BHLHE40: variants seen among roughly 807,000 people sequenced by gnomAD.
The protein encoded by BHLHE40 is class E basic helix-loop-helix protein 40.
In BHLHE40, 3 loss-of-function variants were observed where a neutral mutation model predicts 35.7. The ratio of observed to expected loss-of-function variants is 0.08; its 90% CI spans 0.04 to 0.22. The LOEUF (loss-of-function observed/expected upper bound fraction) is 0.22. BHLHE40 is among the 10% of genes least tolerant of loss of function. The probability of loss-of-function intolerance (pLI) is 1.00; values close to 1 mark genes in which losing one functional copy is unlikely to be tolerated. For missense variants in BHLHE40, 486 were observed against 524.0 expected (o/e 0.93, Z 0.71); for synonymous variants, 236 against 213.0 (o/e 1.11, Z -0.94).
At chr3:4,980,122 G>A (rs1251231451) in intron 2 of BHLHE40, 91 bp downstream of exon 2, 19 of 1,398,328 alleles carry the variant, frequency 1.4e-5, no homozygotes, top group Non-Finnish European at 1.7e-5. Context: ...GGTTGGCGAG[G>A]GGATGCAGGG....
chr3:4,980,931 C>A (rs944296902), intron 3 of BHLHE40, among the ~76,000 whole-genome samples: 3 of 151,552 alleles, frequency 2.0e-5, no homozygotes, highest in Non-Finnish European at 4.4e-5. Context: ...GCTGGAAGTT[C>A]TGAAAGGGTG....
At position 4,979,805 on chromosome 3, in the gene BHLHE40, T is replaced by C. The variant is rs1376778725; in HGVS notation, c.80+7T>C. ...AGCACGGAGACCTACCAGGGTAAGT[T>C]GGCACTCCTTGGCCCTTCAAGCCTC... On this transcript the variant is annotated splice_region_variant and intron_variant, in intron 1 of 4. Transcript: ENST00000256495. The C allele has an allele frequency of 1.9e-6, 3 of 1,587,902 alleles. No individual in the cohort carries two copies. Among genetic ancestry groups the C allele is most frequent in the African/African-American group, 1.3e-5 (1 of 74,156 alleles).
At chr3:4,982,741 T>TA (rs56138530) in intron 4 of BHLHE40, 95 bp from the exon 5 acceptor site, 3 of 1,490,306 alleles carry the variant, frequency 2.0e-6, no homozygotes, top group African/African-American at 2.8e-5. Context: ...TTTTTTTTTT[T>TA]AACAAAAACT....
chr3:4,980,142 G>C (rs1240486497), intron 2 of BHLHE40, 111 bp downstream of exon 2: 5 of 1,236,174 alleles, frequency 4.0e-6, no homozygotes, highest in South Asian at 1.2e-5. Flanking sequence ...GTGTGGGCTC[G>C]GTGCCTCTTC....
rs2053216303 is a variant in BHLHE40 at position 4,983,296 on chromosome 3, G to A, written c.843G>A (p.Glu281=). ...MGERIGAIKQ[E]SEEPPTKKNR... is the part of the protein sequence containing the mutation. ...AAAGGATCGGCGCAATTAAGCAAGA[G>A]TCCGAAGAACCCCCCACAAAAAAGA... The change falls in exon 5 of 5, where the codon GAG becomes GAA. Residue 281 remains glutamate, a synonymous_variant. Transcript: ENST00000256495. The surrounding 1 kb of genome is among the most constrained non-coding windows in gnomAD (Gnocchi z 5.0). 2.5e-6 allele frequency: 4 copies of A among 1,614,220 alleles called. No individual in the cohort carries two copies. Among genetic ancestry groups the A allele is most frequent in the Non-Finnish European group, 3.4e-6 (4 of 1,180,036 alleles).
chr3:4,980,525 C>A, intron 3 of BHLHE40, 117 bp downstream of exon 3: 1 of 827,148 alleles, frequency 1.2e-6, no homozygotes, highest in Non-Finnish European at 2.0e-6. Context: ...TCAGAGCTGG[C>A]GGGTGGCTCT....
In BHLHE40 at chr3:4,983,239, A is replaced by G. The variant is rs755227708; in HGVS notation, c.786A>G (p.Lys262=). 2.5e-6 allele frequency: 4 copies of G among 1,614,224 alleles called. No homozygotes were observed. The change falls in exon 5 of 5, where the codon AAA becomes AAG. Residue 262 remains lysine, a synonymous_variant. Coordinates refer to ENST00000256495, the MANE Select transcript of BHLHE40 (RefSeq NM_003670.3). This position sits in a 1 kb window ranked among gnomAD's most constrained non-coding sequence, Gnocchi z 5.0. The stretch of plus-strand genomic sequence containing the variant: ...TGCGCAGTGAGCAGCCGTGCTTCAA[A>G]AGTGACCACGGACGCAGGTTCACGA... ...GDLRSEQPCF[K]SDHGRRFTMG...
At position 4,981,478 on chromosome 3, in the gene BHLHE40, G is replaced by A. The variant is rs755535096; in HGVS notation, c.345G>A (p.Gln115=). The change falls in exon 4 of 5, where the codon CAG becomes CAA. Residue 115 remains glutamine, a synonymous_variant. Transcript: ENST00000256495. ...KALTNLIDQQ[Q]QKIIALQSGL... The stretch of plus-strand genomic sequence containing the variant: ...TAACAAACCTAATTGATCAGCAGCA[G>A]CAGAAAATCATTGCCCTGCAGAGTG... 1.2e-6 allele frequency: 2 copies of A among 1,614,078 alleles called. No individual in the cohort carries two copies. The highest frequency in any genetic ancestry group is 8.5e-7 in the Non-Finnish European group (1 of 1,179,976).
At chr3:4,981,711 T>G in intron 4 of BHLHE40, 196 bp downstream of exon 4, 1 of 622,284 alleles carries the variant, frequency 1.6e-6, no homozygotes. Flanking sequence ...CATGAATACG[T>G]ATTAGTGAAA....
At chr3:4,981,139 C>G (rs1168238895) in intron 3 of BHLHE40, among the ~76,000 whole-genome samples, 1 of 149,050 alleles carries the variant, frequency 6.7e-6, no homozygotes, top group African/African-American at 2.5e-5. Flanking sequence ...ACAGGTGGCA[C>G]CCGTTTTTTT....
rs998006886 is a variant in BHLHE40, at chr3:4,983,682, C to A, written c.1229C>A (p.Thr410Asn). 2 of 1,606,134 alleles carry A rather than the reference C, an allele frequency of 1.2e-6. No individual in the cohort carries two copies. The highest frequency in any genetic ancestry group is 2.7e-5 in the African/African-American group (2 of 74,614). ...CCAATCCCCCCTTTAAACTTAGAAA[C>A]CAAAGACTAAACTCTCTAGGGGATC... ...LKPIPPLNLE[T>N]KD is the part of the protein sequence containing the mutation. Residue 410 changes from threonine (T) to asparagine (N), a missense_variant, in exon 5 of 5, where the codon ACC becomes AAC. Physicochemically the swap from Thr to Asn is moderately conservative, Grantham distance 65. This residue lies in a region of BHLHE40 where 206 missense variants were observed against 208.9 expected (regional missense o/e 0.99). Coordinates refer to ENST00000256495, the MANE Select transcript of BHLHE40 (RefSeq NM_003670.3). This position sits in a 1 kb window ranked among gnomAD's most constrained non-coding sequence, Gnocchi z 5.0.
At position 4,983,381 on chromosome 3, in the gene BHLHE40, C is replaced by A. The variant is rs141672087; in HGVS notation, c.928C>A (p.Pro310Thr). 1.6e-4 allele frequency: 265 copies of A among 1,614,206 alleles called. No homozygotes were observed. Among genetic ancestry groups the A allele is most frequent in the Non-Finnish European group, 2.1e-4 (242 of 1,180,044 alleles). Residue 310 changes from proline to threonine, a missense_variant, in exon 5 of 5, where the codon CCG (proline) becomes ACG (threonine). Pro to Thr is a conservative substitution (Grantham distance 38). This residue lies in a region of BHLHE40 where 206 missense variants were observed against 208.9 expected (regional missense o/e 0.99). Transcript: ENST00000256495. This position sits in a 1 kb window ranked among gnomAD's most constrained non-coding sequence, Gnocchi z 5.0. The stretch of plus-strand genomic sequence containing the variant: ...CACTAGCAGTGACCTGATCAGCTCC[C>A]CGTTCCTGGGCCCACACCCACACCA... ...HFTSSDLISS[P>T]FLGPHPHQPP...
intron 2 of BHLHE40, 44 bp downstream of exon 2, chr3:4,980,075 G>A: frequency 6.2e-7 from 1 of 1,602,240 alleles, no homozygotes; most frequent in Non-Finnish European, 8.6e-7. Context: ...AGCCCCTCGC[G>A]CGCGCTGAGT....
chr3:4,981,364 C>T lies in BHLHE40; in HGVS notation c.259-28C>T, dbSNP rs745677139. ...CAAAGGTGGGACTTCTCTGACCTCA[C>T]CGCTGACTAAGGCTCTTTTCCTTCC... On this transcript the variant is annotated intron_variant, in intron 3 of 4. Transcript: ENST00000256495. The T allele has an allele frequency of 2.1e-5, 34 of 1,612,020 alleles. No individual in the cohort carries two copies. In the East Asian group the frequency reaches 6.5e-4, roughly 31 times the overall value.
Position 4,983,856 on chromosome 3 carries a change from A to ATG in BHLHE40, c.*167_*168dup, listed in dbSNP as rs2053224250. On this transcript the variant is annotated 3_prime_UTR_variant, in exon 5 of 5. Coordinates refer to ENST00000256495, the MANE Select transcript of BHLHE40 (RefSeq NM_003670.3). This position sits in a 1 kb window ranked among gnomAD's most constrained non-coding sequence, Gnocchi z 5.0. Reference sequence around the variant, plus strand: ...TGTGTGTGTGTGTGTGTGTGTGTGTATGTGCGTGTGCGTGCACATGTGTGC... The same window carrying ATG: ...TGTGTGTGTGTGTGTGTGTGTGTGTATGTGTGCGTGTGCGTGCACATGTGTGC... 2.9e-6 allele frequency: 1 copy of ATG among 348,684 alleles called. No homozygotes were observed. The highest frequency in any genetic ancestry group is 7.0e-5 in the South Asian group (1 of 14,292). 21.6% of individuals were successfully genotyped at this position (348,684 alleles called of 1,614,324 possible).
At position 4,984,394 on chromosome 3, in the gene BHLHE40, C is replaced by G. The variant is rs1307047073; in HGVS notation, c.*702C>G. On this transcript the variant is annotated 3_prime_UTR_variant, in exon 5 of 5. Coordinates refer to ENST00000256495, the MANE Select transcript of BHLHE40 (RefSeq NM_003670.3). ...GCTTACTAAGGAACTGAAAATGGGC[C>G]CCTTGTACAAGCTGAGCTGCCCCGG... The G allele has an allele frequency of 6.6e-6, 1 of 152,348 alleles. No individual in the cohort carries two copies. Among genetic ancestry groups the G allele is most frequent in the East Asian group, 1.9e-4 (1 of 5,194 alleles). 9.4% of individuals were successfully genotyped at this position (152,348 alleles called of 1,614,324 possible).
chr3:4,980,089 C>T, intron 2 of BHLHE40, 58 bp downstream of exon 2: 1 of 1,581,076 alleles, frequency 6.3e-7, no homozygotes, highest in Admixed American at 1.7e-5. Context: ...GCTGAGTTTC[C>T]AAGAAAAGTT....
In BHLHE40 at chr3:4,983,388, T is replaced by C. The variant is rs754483141; in HGVS notation, c.935T>C (p.Leu312Pro). 5 of 1,614,202 alleles carry C rather than the reference T, an allele frequency of 3.1e-6. No homozygotes were observed. Among genetic ancestry groups the C allele is most frequent in the Admixed American group, 1.7e-5 (1 of 60,018 alleles). ...AGTGACCTGATCAGCTCCCCGTTCCTGGGCCCACACCCACACCAGCCTCCT... is the reference window on the plus strand; with the variant it reads ...AGTGACCTGATCAGCTCCCCGTTCCCGGGCCCACACCCACACCAGCCTCCT... ...TSSDLISSPF[L>P]GPHPHQPPFC... The change falls in exon 5 of 5, where the codon CTG becomes CCG. Residue 312 changes from leucine (L) to proline (P), a missense_variant. Coordinates refer to ENST00000256495, the MANE Select transcript of BHLHE40 (RefSeq NM_003670.3). This position sits in a 1 kb window ranked among gnomAD's most constrained non-coding sequence, Gnocchi z 5.0.
intron 4 of BHLHE40, 43 bp from the exon 5 acceptor site, chr3:4,982,793 C>T: frequency 1.2e-6 from 2 of 1,611,732 alleles, no homozygotes; most frequent in Non-Finnish European, 1.7e-6. Flanking sequence ...AGGTGCGCCA[C>T]AGGCCTTCTG....
Sources: gnomAD v4.1 joint callset for allele counts (sites outside exome capture counted in the v4.1 genomes callset) on GRCh38, gnomAD v4.1.1 for gene constraint, gnomAD v4.1.1 regional missense constraint, Gnocchi (gnomAD v3.1) non-coding constraint, MANE v1.5 for transcripts, NCBI Gene and HGNC (gene_info 2026-07-23, HGNC 2026-07-21) for gene names.